The following CCDC60 variants were observed in gnomAD, a reference collection of about 807,000 sequenced individuals.
CCDC60 encodes coiled-coil domain-containing protein 60.
A neutral mutation model predicts 63.5 loss-of-function variants in CCDC60; 54 were observed. The ratio of observed to expected loss-of-function variants is 0.85; its 90% CI spans 0.68 to 1.07. The LOEUF (loss-of-function observed/expected upper bound fraction) is 1.07. Ranked by LOEUF, CCDC60 falls within the 50% of genes least tolerant of loss-of-function variation. CCDC60 has a pLI of 0.00. For missense variants in CCDC60, 651 were observed against 684.3 expected (o/e 0.95, Z 0.54); for synonymous variants, 206 against 238.8 (o/e 0.86, Z 1.27).
chr12:119,476,045 T>C (rs1951170452), intron 3 of CCDC60, among the ~76,000 whole-genome samples: 1 of 152,202 alleles, frequency 6.6e-6, no homozygotes, highest in South Asian at 2.1e-4. Context: ...TATTTGATCT[T>C]GTGCATCATA....
chr12:119,502,652 TTTGGGAGCA>T (rs1166513639), intron 6 of CCDC60, among the ~76,000 whole-genome samples: 11 of 152,186 alleles, frequency 7.2e-5, no homozygotes, highest in Non-Finnish European at 1.5e-5. Context: ...TAATGGCAAC[TTTGGGAGCA>T]TAAGATGAAA....
At chr12:119,363,781 C>T (rs376459956) in intron 1 of CCDC60, among the ~76,000 whole-genome samples, 135 of 152,052 alleles carry the variant, frequency 8.9e-4, no homozygotes, top group African/African-American at 2.9e-3. Context: ...TTTGTAGGTG[C>T]GAAAATACCT....
intron 1 of CCDC60, among the ~76,000 whole-genome samples, chr12:119,415,222 T>A (rs1956678522): frequency 6.6e-6 from 1 of 152,214 alleles, no homozygotes; most frequent in Non-Finnish European, 1.5e-5. Flanking sequence ...CTGCCAGGCT[T>A]ACAGAGACCA....
intron 2 of CCDC60, among the ~76,000 whole-genome samples, chr12:119,450,970 T>C (rs967300673): frequency 9.2e-5 from 14 of 151,724 alleles, no homozygotes; most frequent in East Asian, 1.9e-4. Flanking sequence ...GGAAGCATCA[T>C]TGGGAGAAAG....
chr12:119,420,735 G>T lies in CCDC60; in HGVS notation c.91-7948G>T, dbSNP rs1956797698. 1.3e-5 allele frequency among the ~76,000 whole-genome samples: 2 copies of T among 152,142 alleles called. No individual in the cohort carries two copies. The highest frequency in any genetic ancestry group is 4.8e-5 in the African/African-American group (2 of 41,414). On this transcript the variant is annotated intron_variant, in intron 1 of 13. Coordinates refer to ENST00000327554, the MANE Select transcript of CCDC60 (RefSeq NM_178499.5). The surrounding 1 kb of genome is among the most constrained non-coding windows in gnomAD (Gnocchi z 4.1). ...ATAATTGGATTGTTTGTAACTCAAA[G>T]GATAAATGCTTGAGGGGATAGATGC...
chr12:119,385,042 G>T (rs1956046374), intron 1 of CCDC60, among the ~76,000 whole-genome samples: 1 of 152,210 alleles, frequency 6.6e-6, no homozygotes, highest in Non-Finnish European at 1.5e-5. Context: ...TTTTACAGAG[G>T]TGCTGCTTAG....
chr12:119,523,604 T>C, intron 10 of CCDC60, 89 bp from the exon 11 acceptor site: 1 of 1,574,282 alleles, frequency 6.4e-7, no homozygotes, highest in Non-Finnish European at 8.6e-7. Context: ...CAGAGCACCT[T>C]GGGGCTAAGG....
At chr12:119,533,373 G>A (rs1309799284) in intron 13 of CCDC60, among the ~76,000 whole-genome samples, 1 of 152,178 alleles carries the variant, frequency 6.6e-6, no homozygotes, top group Non-Finnish European at 1.5e-5. Flanking sequence ...TAGGTTGCCT[G>A]TTCACTATGA....
chr12:119,488,538 G>A (rs1951510670), intron 4 of CCDC60, among the ~76,000 whole-genome samples: 4 of 152,164 alleles, frequency 2.6e-5, no homozygotes, highest in Non-Finnish European at 1.5e-5. Flanking sequence ...CTAAAGTCCT[G>A]TGAGCCTCTG....
At chr12:119,446,862 A>T (rs1259841405) in intron 2 of CCDC60, among the ~76,000 whole-genome samples, 1 of 152,024 alleles carries the variant, frequency 6.6e-6, no homozygotes, top group Non-Finnish European at 1.5e-5. Context: ...AGTCACAGGG[A>T]GTTGGTGGAG....
At chr12:119,403,080 T>A (rs1325722597) in intron 1 of CCDC60, among the ~76,000 whole-genome samples, 1 of 152,218 alleles carries the variant, frequency 6.6e-6, no homozygotes, top group African/African-American at 2.4e-5. Context: ...CAGGCAGGCT[T>A]TACCAAGTTG....
intron 13 of CCDC60, among the ~76,000 whole-genome samples, chr12:119,534,076 G>A (rs1340687169): frequency 1.3e-5 from 2 of 152,112 alleles, no homozygotes; most frequent in African/African-American, 4.8e-5. Context: ...CCATTTGTTT[G>A]TGTCCTCTTT....
chr12:119,535,968 C>T (rs148400058), intron 13 of CCDC60, among the ~76,000 whole-genome samples: 1 of 152,188 alleles, frequency 6.6e-6, no homozygotes, highest in Non-Finnish European at 1.5e-5. Flanking sequence ...CCTGGATATC[C>T]TTGTTAAACT....
At chr12:119,404,489 G>A (rs942938400) in intron 1 of CCDC60, among the ~76,000 whole-genome samples, 2 of 152,158 alleles carry the variant, frequency 1.3e-5, no homozygotes, top group Non-Finnish European at 2.9e-5. Flanking sequence ...GGGGGTGGGT[G>A]TGTGTTTCCT....
intron 8 of CCDC60, among the ~76,000 whole-genome samples, chr12:119,517,534 G>A (rs922096476): frequency 2.6e-5 from 4 of 152,156 alleles, no homozygotes; most frequent in Non-Finnish European, 5.9e-5. Context: ...TTTCCTCCAA[G>A]GAAGAAGCTT....
intron 8 of CCDC60, among the ~76,000 whole-genome samples, chr12:119,518,562 G>A (rs1952414411): frequency 6.6e-6 from 1 of 152,154 alleles, no homozygotes; most frequent in Non-Finnish European, 1.5e-5. Context: ...GTGAGAATAA[G>A]ATAATATTAT....
At chr12:119,468,610 A>G (rs1008014808) in intron 2 of CCDC60, among the ~76,000 whole-genome samples, 2 of 152,224 alleles carry the variant, frequency 1.3e-5, no homozygotes, top group African/African-American at 4.8e-5. Context: ...AAAGAGCAAA[A>G]ATACAGCATT....
chr12:119,540,119 C>T lies in CCDC60; in HGVS notation c.1552-495C>T, dbSNP rs1203337024. 4.6e-5 allele frequency among the ~76,000 whole-genome samples: 7 copies of T among 152,082 alleles called. No homozygotes were observed. The East Asian group carries it at 1.4e-3, about 29-fold the overall frequency. On this transcript the variant is annotated intron_variant, in intron 13 of 13. Coordinates refer to ENST00000327554, the MANE Select transcript of CCDC60 (RefSeq NM_178499.5). ...CTGGGAGCTGCAGACTGGAGCTGTT[C>T]CTATTCAGCCGTCTTGCTAGCCACC... is the stretch of plus-strand genomic sequence containing the variant.
In CCDC60 at chr12:119,457,671, T is replaced by C. The variant is rs1950772726; in HGVS notation, c.171-14323T>C. On this transcript the variant is annotated intron_variant, in intron 2 of 13. Coordinates refer to ENST00000327554, the MANE Select transcript of CCDC60 (RefSeq NM_178499.5). ...TTGCAAATCATTAGCACTCAGGAAA[T>C]AGCTTTAATTTGCATGCTGACAAAG... Among the ~76,000 whole-genome samples, 3 of 152,136 alleles carry C rather than the reference T, an allele frequency of 2.0e-5. No homozygotes were observed. In the South Asian group the frequency reaches 6.2e-4, roughly 32 times the overall value.
Sources: gnomAD v4.1 joint callset for allele counts (sites outside exome capture counted in the v4.1 genomes callset) on GRCh38, gnomAD v4.1.1 for gene constraint, Gnocchi (gnomAD v3.1) non-coding constraint, MANE v1.5 for transcripts, NCBI Gene and HGNC (gene_info 2026-07-23, HGNC 2026-07-21) for gene names.